The following ADCY8 variants were observed in gnomAD, a reference collection of about 807,000 sequenced individuals.
ADCY8 encodes adenylate cyclase 8.
Under a neutral mutation model 119.7 loss-of-function variants are expected in ADCY8, and 51 were observed. The observed-to-expected ratio is 0.43, with a 90% CI of 0.34 to 0.54. ADCY8 has a LOEUF of 0.54. Among genes scored for constraint, ADCY8 ranks in the 20% least tolerant of loss-of-function variants. The pLI is 0.03. For missense variants in ADCY8, 1,383 were observed against 1,598.8 expected, an observed-to-expected ratio of 0.87 and a Z score of 2.30; for synonymous variants, 665 against 651.0, an observed-to-expected ratio of 1.02 and a Z score of -0.33.
At chr8:130,976,261 G>T (rs1032378020) in intron 2 of ADCY8, among the ~76,000 whole-genome samples, 1 of 152,110 alleles carries the variant, frequency 6.6e-6, no homozygotes, top group African/African-American at 2.4e-5. Flanking sequence ...CCCCTCTGAA[G>T]GCCTTAGAAG....
At chr8:130,806,413 G>C (rs1342006980) in intron 14 of ADCY8, among the ~76,000 whole-genome samples, 7 of 152,170 alleles carry the variant, frequency 4.6e-5, no homozygotes, top group African/African-American at 1.7e-4. Flanking sequence ...GCTTCAATTA[G>C]AGACCCAGCA....
At chr8:130,956,153 A>AAAC (rs1012622386) in intron 2 of ADCY8, among the ~76,000 whole-genome samples, 20 of 152,104 alleles carry the variant, frequency 1.3e-4, no homozygotes, top group African/African-American at 4.8e-4. Flanking sequence ...TCAAAAAAAC[A>AAAC]AACAAACAAA....
At chr8:130,883,509 G>A (rs1818858795) in intron 8 of ADCY8, among the ~76,000 whole-genome samples, 1 of 152,142 alleles carries the variant, frequency 6.6e-6, no homozygotes, top group Non-Finnish European at 1.5e-5. Flanking sequence ...TATCAAAGAA[G>A]CTCATTGGGA....
chr8:130,982,396 T>C (rs1215274109), intron 2 of ADCY8, among the ~76,000 whole-genome samples: 1 of 152,260 alleles, frequency 6.6e-6, no homozygotes, highest in Non-Finnish European at 1.5e-5. Context: ...GCGGGGCATC[T>C]GAGCATCAGA....
At chr8:130,796,295 C>T (rs1815576043) in intron 15 of ADCY8, among the ~76,000 whole-genome samples, 1 of 152,188 alleles carries the variant, frequency 6.6e-6, no homozygotes. Flanking sequence ...CTAAAAGTGT[C>T]TGGGGGCATA....
At chr8:130,877,393 A>T (rs1332491841) in intron 8 of ADCY8, among the ~76,000 whole-genome samples, 2 of 152,156 alleles carry the variant, frequency 1.3e-5, no homozygotes, top group Non-Finnish European at 2.9e-5. Flanking sequence ...AATCCAAACC[A>T]AGCATACTGA....
chr8:131,012,864 G>A (rs965199252), intron 1 of ADCY8, among the ~76,000 whole-genome samples: 2 of 152,116 alleles, frequency 1.3e-5, no homozygotes, highest in South Asian at 2.1e-4. Context: ...TTTCTCCTCC[G>A]TGGGTACTGA....
intron 7 of ADCY8, among the ~76,000 whole-genome samples, chr8:130,897,949 C>T (rs1188917996): frequency 6.8e-6 from 1 of 146,634 alleles, no homozygotes; most frequent in Non-Finnish European, 1.5e-5. Context: ...ACACATAACA[C>T]ACACCACACC....
In ADCY8 at chr8:131,026,240, A is replaced by G. The variant is rs202198773; in HGVS notation, c.960+13134T>C. ...AGTGTCTAGAAAAAAGGCCTCAGAG[A>G]GCTGCCTTGTCTCTTTCATCCTGCA... On this transcript the variant is annotated intron_variant, in intron 1 of 17. Coordinates refer to ENST00000286355, the MANE Select transcript of ADCY8 (RefSeq NM_001115.3). 2.0e-4 allele frequency among the ~76,000 whole-genome samples: 31 copies of G among 152,222 alleles called. No homozygotes were observed. In the East Asian group the frequency reaches 4.3e-3, roughly 21 times the overall value.
At chr8:131,039,327 C>T (rs200544951) in intron 1 of ADCY8, 47 bp downstream of exon 1, 1 of 1,594,176 alleles carries the variant, frequency 6.3e-7, no homozygotes, top group East Asian at 2.2e-5. Flanking sequence ...TGATCAATAA[C>T]CCGGGGAAGT....
intron 2 of ADCY8, among the ~76,000 whole-genome samples, chr8:130,978,397 C>G (rs1822137998): frequency 6.6e-6 from 1 of 152,074 alleles, no homozygotes; most frequent in African/African-American, 2.4e-5. Context: ...TATGAAAATT[C>G]ATCAAAAACT....
chr8:130,951,815 C>A, intron 3 of ADCY8, 53 bp downstream of exon 3: 6 of 1,602,702 alleles, frequency 3.7e-6, no homozygotes, highest in South Asian at 2.2e-5. Context: ...ATGAGAGCAC[C>A]CAAACACACA....
chr8:130,846,609 T>C (rs1206127161), intron 11 of ADCY8, among the ~76,000 whole-genome samples: 2 of 116,384 alleles, frequency 1.7e-5, no homozygotes, highest in Non-Finnish European at 3.5e-5. Flanking sequence ...CTCCCTCCCT[T>C]CCTTCCTTTT....
chr8:130,785,536 C>T (rs1815224395), intron 15 of ADCY8, 61 bp from the exon 16 acceptor site: 4 of 1,310,054 alleles, frequency 3.1e-6, no homozygotes, highest in Non-Finnish European at 4.2e-6. Context: ...AGCCTGGGCT[C>T]CTGAAAACAG....
chr8:131,039,745 A>G lies in ADCY8; in HGVS notation c.589T>C (p.Leu197=). Reference sequence around the variant, plus strand: ...GAGGCCAGGCTCAAGTGTAGGACCAAGAGAGTGAGTTTGGTCAGCACGTCC... The same window carrying G: ...GAGGCCAGGCTCAAGTGTAGGACCAGGAGAGTGAGTTTGGTCAGCACGTCC... ...VLDVLTKLTL[L]VLHLSLASAP... Residue 197 remains leucine, a synonymous_variant, in exon 1 of 18, where the codon TTG becomes CTG. Coordinates refer to ENST00000286355, the MANE Select transcript of ADCY8 (RefSeq NM_001115.3). 6.2e-7 allele frequency: 1 copy of G among 1,614,112 alleles called. No individual in the cohort carries two copies.
chr8:130,831,336 G>A (rs1422834291), intron 12 of ADCY8, among the ~76,000 whole-genome samples: 2 of 152,172 alleles, frequency 1.3e-5, no homozygotes, highest in African/African-American at 4.8e-5. Context: ...AATGGTCCTT[G>A]TCTTCAAAAT....
At chr8:131,005,790 C>A (rs1170021318) in intron 1 of ADCY8, among the ~76,000 whole-genome samples, 1 of 152,118 alleles carries the variant, frequency 6.6e-6, no homozygotes, top group Non-Finnish European at 1.5e-5. Context: ...CCTCCCCTTG[C>A]CCCTTCAGGC....
intron 7 of ADCY8, among the ~76,000 whole-genome samples, chr8:130,898,970 A>G (rs1293089890): frequency 6.6e-6 from 1 of 152,198 alleles, no homozygotes; most frequent in Non-Finnish European, 1.5e-5. Context: ...CTGGAATAAA[A>G]TACATCAACA....
chr8:130,817,248 G>A (rs150034898), intron 13 of ADCY8, among the ~76,000 whole-genome samples: 1 of 152,200 alleles, frequency 6.6e-6, no homozygotes, highest in African/African-American at 2.4e-5. Context: ...GATTGATGAA[G>A]TTAAGTCAAA....
Sources: gnomAD v4.1 joint callset for allele counts (sites outside exome capture counted in the v4.1 genomes callset) on GRCh38, gnomAD v4.1.1 for gene constraint, MANE v1.5 for transcripts, NCBI Gene and HGNC (gene_info 2026-07-23, HGNC 2026-07-21) for gene names.